AATK: variants seen among roughly 807,000 people sequenced by gnomAD.
The protein encoded by AATK is serine/threonine-protein kinase LMTK1.
AATK carries 91 observed loss-of-function variants against 114.3 expected under a neutral mutation model. The observed-to-expected ratio is 0.80, with a 90% CI of 0.67 to 0.95. The LOEUF (loss-of-function observed/expected upper bound fraction) is 0.95. Among genes scored for constraint, AATK ranks in the 40% least tolerant of loss-of-function variants. The probability of loss-of-function intolerance (pLI) is 0.00; values close to 1 mark genes in which losing one functional copy is unlikely to be tolerated. For missense variants in AATK, 2,176 were observed against 1,965.2 expected, an observed-to-expected ratio of 1.11 and a Z score of -2.03; for synonymous variants, 1,075 against 916.5, an observed-to-expected ratio of 1.17 and a Z score of -3.12.
chr17:81,141,190 C>A (rs573886363), intron 1 of AATK, among the ~76,000 whole-genome samples: 40 of 152,290 alleles, frequency 2.6e-4, no homozygotes, highest in Non-Finnish European at 1.0e-4. Flanking sequence ...GTGGCTCACA[C>A]CTGTAATCCC....
In AATK at chr17:81,118,107, CT is replaced by C. The variant is rs1420017489; in HGVS notation, c.*294del. 2.6e-6 allele frequency: 1 copy of C among 377,752 alleles called. No homozygotes were observed. Among genetic ancestry groups the C allele is most frequent in the Admixed American group, 4.3e-5 (1 of 23,338 alleles). 23.4% of individuals were successfully genotyped at this position (377,752 alleles called of 1,614,324 possible). A position where few individuals can be genotyped will look rare whatever the true frequency, so the allele number is the denominator to read the frequency against. On this transcript the variant is annotated 3_prime_UTR_variant, in exon 14 of 14. Coordinates refer to ENST00000326724, the MANE Select transcript of AATK (RefSeq NM_001080395.3). ...CCGCCGTGCCCAGGGGCACTGGCCC[CT>C]TTTGAGTGTGTATGTGTGTACAGAC... is the stretch of plus-strand genomic sequence containing the variant.
intron 3 of AATK, among the ~76,000 whole-genome samples, chr17:81,129,759 C>T (rs965577818): frequency 6.6e-6 from 1 of 152,150 alleles, no homozygotes; most frequent in African/African-American, 2.4e-5. Flanking sequence ...CTCGGATGGT[C>T]CCTGGCAGCT....
Position 81,120,080 on chromosome 17 carries a change from T to A in AATK, c.3739A>T (p.Ser1247Cys). Residue 1247 changes from serine to cysteine, a missense_variant, in exon 12 of 14, where the codon AGC becomes TGC. Physicochemically the swap from Ser to Cys is moderately radical, Grantham distance 112. This residue lies in a region of AATK where 1,701 missense variants were observed against 1,394.7 expected (regional missense o/e 1.22). Coordinates refer to ENST00000326724, the MANE Select transcript of AATK (RefSeq NM_001080395.3). ...GGCTCCCCGAGCTCCCGGGTGGGGC[T>A]TTCCTGGAGGAATCAGAGAGCACCA... The part of the protein sequence containing the change: ...DVTVYLFDQE[S>C]PTRELGEPFP... The A allele has an allele frequency of 6.8e-7, 1 of 1,460,740 alleles. No homozygotes were observed. Among genetic ancestry groups the A allele is most frequent in the African/African-American group, 1.5e-5 (1 of 68,234 alleles). 90.5% of individuals were successfully genotyped at this position (1,460,740 alleles called of 1,614,324 possible).
At position 81,119,965 on chromosome 17, in the gene AATK, C is replaced by G. The variant is rs1482452943; in HGVS notation, c.3854G>C (p.Gly1285Ala). ...TTCCGCTGTGGAGCCATTTGGGGAG[C>G]CATCAGCCTGCTGCGGCCGGTTGGG... ...SAPNRPQQADGSPNGSTAEEG... is the reference protein window; with the variant it reads ...SAPNRPQQADASPNGSTAEEG... Residue 1285 changes from glycine to alanine, a missense_variant, in exon 12 of 14, where the codon GGC becomes GCC. Physicochemically the swap from Gly to Ala is moderately conservative, Grantham distance 60 (BLOSUM62 0). Transcript: ENST00000326724. 1 of 1,449,604 alleles carries G rather than the reference C, an allele frequency of 6.9e-7. No homozygotes were observed. Among genetic ancestry groups the G allele is most frequent in the East Asian group, 2.7e-5 (1 of 37,366 alleles). The allele number at this position is 1,449,604 out of a possible 1,614,324, so 89.8% of individuals were successfully genotyped here.
At chr17:81,124,651 A>C in intron 9 of AATK, 76 bp downstream of exon 9, 1 of 1,580,716 alleles carries the variant, frequency 6.3e-7, no homozygotes, top group Non-Finnish European at 8.6e-7. Flanking sequence ...CTCACTACTC[A>C]TGGCCATGAT....
intron 3 of AATK, among the ~76,000 whole-genome samples, chr17:81,130,409 A>G (rs1472478626): frequency 6.6e-6 from 1 of 152,102 alleles, no homozygotes; most frequent in Non-Finnish European, 1.5e-5. Context: ...CGTCCGCCCC[A>G]TGTGAGTGGT....
At chr17:81,149,810 C>T (rs934492240) in intron 1 of AATK, among the ~76,000 whole-genome samples, 5 of 152,182 alleles carry the variant, frequency 3.3e-5, no homozygotes, top group African/African-American at 7.2e-5. Context: ...CCCGCTGCAA[C>T]GGCAGTCAGC....
intron 7 of AATK, among the ~76,000 whole-genome samples, chr17:81,125,633 G>C (rs192598219): frequency 6.6e-6 from 1 of 152,256 alleles, no homozygotes; most frequent in Non-Finnish European, 1.5e-5. Context: ...GGCTGGTCAC[G>C]TGGGTGTGAG....
chr17:81,131,476 A>G (rs1434823295), intron 2 of AATK, among the ~76,000 whole-genome samples: 1 of 152,134 alleles, frequency 6.6e-6, no homozygotes, highest in African/African-American at 2.4e-5. Context: ...CAGAGCCAAG[A>G]GGACCCATCT....
Position 81,118,265 on chromosome 17 carries a change from C to A in AATK, c.*137G>T. The A allele has an allele frequency of 2.4e-6, 2 of 845,218 alleles. No individual in the cohort carries two copies. Among genetic ancestry groups the A allele is most frequent in the South Asian group, 3.3e-5 (2 of 59,870 alleles). The allele number at this position is 845,218 out of a possible 1,614,324, so 52.4% of individuals were successfully genotyped here. On this transcript the variant is annotated 3_prime_UTR_variant, in exon 14 of 14. Coordinates refer to ENST00000326724, the MANE Select transcript of AATK (RefSeq NM_001080395.3). ...CATCCCACGGGCTTCTCCAGGACAC[C>A]GCGTGGGGCAGAGGCACCTGAATCT...
At chr17:81,119,354 C>CTCGCGTGCCCTTA in intron 13 of AATK, 26 bp downstream of exon 13, 1 of 1,549,822 alleles carries the variant, frequency 6.5e-7, no homozygotes. Context: ...GCGTGCCCTT[C>CTCGCGTGCCCTTA]TGCCACAGCC....
At chr17:81,133,142 G>T in intron 2 of AATK, 1 of 454,512 alleles carries the variant, frequency 2.2e-6, no homozygotes, top group Non-Finnish European at 4.5e-6. Context: ...AGACCCCACA[G>T]CCTGGGGCCA....
chr17:81,124,827 C>T lies in AATK; in HGVS notation c.862G>A (p.Asp288Asn). The T allele has an allele frequency of 2.5e-6, 4 of 1,611,382 alleles. No individual in the cohort carries two copies. The highest frequency in any genetic ancestry group is 1.1e-5 in the South Asian group (1 of 90,858). The change falls in exon 9 of 14, where the codon GAC becomes AAC. Residue 288 changes from aspartate (D) to asparagine (N), a missense_variant. Physicochemically the swap from Asp to Asn is conservative, Grantham distance 23 (BLOSUM62 1). Transcript: ENST00000326724. ...KYREDYFVTA[D>N]QLWVPLRWIA... is the part of the protein sequence containing the mutation. ...CAGCGCAGAGGCACCCACAGCTGGT[C>T]GGCAGTCACGAAGTAGTCCTCCTGT...
intron 1 of AATK, among the ~76,000 whole-genome samples, chr17:81,144,541 C>A (rs1445959518): frequency 2.0e-5 from 3 of 152,240 alleles, no homozygotes; most frequent in Non-Finnish European, 4.4e-5. Context: ...GGCAGGGGGC[C>A]CGCAGGAGCC....
In AATK at chr17:81,126,360, A is replaced by T; in HGVS notation, c.755+67T>A. ...AGCCCCCTGAGGCAGGACCCGCCCT[A>T]TGCCCTTCCTTCAGGGGAGGGGCCT... On this transcript the variant is annotated intron_variant, in intron 7 of 13. Coordinates refer to ENST00000326724, the MANE Select transcript of AATK (RefSeq NM_001080395.3). This position sits in a 1 kb window ranked among gnomAD's most constrained non-coding sequence, Gnocchi z 5.1. 2 of 1,509,130 alleles carry T rather than the reference A, an allele frequency of 1.3e-6. No individual in the cohort carries two copies. Among genetic ancestry groups the T allele is most frequent in the South Asian group, 2.5e-5 (2 of 80,968 alleles). 93.5% of individuals were successfully genotyped at this position (1,509,130 alleles called of 1,614,324 possible). A position where few individuals can be genotyped will look rare whatever the true frequency, so the allele number is the denominator to read the frequency against.
chr17:81,165,519 G>T, intron 1 of AATK: 1 of 726,970 alleles, frequency 1.4e-6, no homozygotes, highest in Non-Finnish European at 2.0e-6. Flanking sequence ...ATCGCTCCCA[G>T]CCTGGGAAGA....
chr17:81,163,841 G>C (rs911385197), intron 1 of AATK, among the ~76,000 whole-genome samples: 2 of 152,256 alleles, frequency 1.3e-5, no homozygotes, highest in Non-Finnish European at 2.9e-5. Flanking sequence ...CAAGGAGCCG[G>C]CCCGGCAGCG....
intron 7 of AATK, chr17:81,125,388 C>T (rs988856255): frequency 1.8e-6 from 1 of 553,248 alleles, no homozygotes; most frequent in South Asian, 1.5e-5. Context: ...ACTCTCGGCT[C>T]CCCAGGAGGT....
rs943390725 is a variant in AATK at position 81,128,470 on chromosome 17, C to T, written c.414G>A (p.Lys138=). The T allele has an allele frequency of 3.9e-6, 6 of 1,548,776 alleles. No homozygotes were observed. Among genetic ancestry groups the T allele is most frequent in the Non-Finnish European group, 4.4e-6 (5 of 1,146,868 alleles). The part of the protein sequence containing the change: ...LKEIGRGWFG[K]VFLGEVNSGI... Reference sequence around the variant, plus strand: ...CCTCCCTCCCAGGCGGGACACGTACCTTCCCGAACCAGCCACGGCCGATTT... The same window carrying T: ...CCTCCCTCCCAGGCGGGACACGTACTTTCCCGAACCAGCCACGGCCGATTT... Residue 138 remains lysine (K), a splice_region_variant and synonymous_variant, in exon 4 of 14, where the codon AAG becomes AAA. Coordinates refer to ENST00000326724, the MANE Select transcript of AATK (RefSeq NM_001080395.3).
Sources: allele counts gnomAD v4.1 joint callset (sites outside exome capture counted in the v4.1 genomes callset), GRCh38; gene constraint gnomAD v4.1.1; regional missense constraint gnomAD v4.1.1; non-coding constraint Gnocchi (gnomAD v3.1); transcripts MANE v1.5; gene names NCBI Gene and HGNC (gene_info 2026-07-23, HGNC 2026-07-21).